The following CDKAL1 variants were observed in gnomAD, a reference collection of about 807,000 sequenced individuals.
CDKAL1 encodes the protein CDKAL1 threonylcarbamoyladenosine tRNA methylthiotransferase.
In CDKAL1, 32 loss-of-function variants were observed where a neutral mutation model predicts 68.2. The observed-to-expected ratio is 0.47, with a 90% CI of 0.35 to 0.63. The LOEUF (loss-of-function observed/expected upper bound fraction) is 0.63. Among genes scored for constraint, CDKAL1 ranks in the 30% least tolerant of loss-of-function variants. The pLI is 0.00. For synonymous variants in CDKAL1, 234 were observed against 244.3 expected (o/e 0.96, Z 0.39); for missense variants, 606 against 696.7 (o/e 0.87, Z 1.47).
chr6:20,797,531 G>A (rs1238551510), intron 8 of CDKAL1, among the ~76,000 whole-genome samples: 1 of 152,146 alleles, frequency 6.6e-6, no homozygotes, highest in African/African-American at 2.4e-5. Context: ...AAAAATCTGT[G>A]TATGAATGTT....
intron 14 of CDKAL1, among the ~76,000 whole-genome samples, chr6:21,198,775 T>G (rs1778569826): frequency 6.6e-6 from 1 of 152,180 alleles, no homozygotes; most frequent in African/African-American, 2.4e-5. Context: ...GCCATCTAAG[T>G]TGGCCTGCCT....
chr6:21,211,115 ACTT>A (rs1779132843), intron 15 of CDKAL1, among the ~76,000 whole-genome samples: 1 of 152,210 alleles, frequency 6.6e-6, no homozygotes, highest in Non-Finnish European at 1.5e-5. Flanking sequence ...TTTTCAGACA[ACTT>A]CTACTACAGA....
At chr6:20,884,979 A>G (rs902700745) in intron 9 of CDKAL1, among the ~76,000 whole-genome samples, 1 of 152,172 alleles carries the variant, frequency 6.6e-6, no homozygotes, top group African/African-American at 2.4e-5. Context: ...GAAAAAAAAA[A>G]GTGATAAATT....
At chr6:20,545,558 T>C (rs1355217803) in intron 2 of CDKAL1, among the ~76,000 whole-genome samples, 3 of 152,172 alleles carry the variant, frequency 2.0e-5, no homozygotes, top group Admixed American at 2.0e-4. Flanking sequence ...TTCCTCAGCC[T>C]CCCAAGTAGC....
intron 4 of CDKAL1, among the ~76,000 whole-genome samples, chr6:20,647,530 G>A (rs973800340): frequency 2.0e-5 from 3 of 152,112 alleles, no homozygotes; most frequent in African/African-American, 7.2e-5. Context: ...AATGTATTCA[G>A]TATCTCTTAA....
rs1438076023 is a variant in CDKAL1 at position 20,694,064 on chromosome 6, G to GTA, written c.371+44688_371+44689insAT. On this transcript the variant is annotated intron_variant, in intron 5 of 15. Coordinates refer to ENST00000274695, the MANE Select transcript of CDKAL1 (RefSeq NM_017774.3). ...ACTTTGTGTGTGTGTGTGTGTGTAT[G>GTA]TGTGTGTGTGTGTGTGTGTGTGTGT... Among the ~76,000 whole-genome samples the GTA allele has an allele frequency of 1.8e-4, 7 of 38,930 alleles. No individual in the cohort carries two copies. The South Asian group carries it at 6.2e-3, about 34-fold the overall frequency. The allele number at this position is 38,930 out of a possible 152,430, so 25.5% of individuals were successfully genotyped here.
chr6:21,228,040 A>C (rs1234221288), intron 15 of CDKAL1, among the ~76,000 whole-genome samples: 1 of 152,194 alleles, frequency 6.6e-6, no homozygotes, highest in East Asian at 1.9e-4. Context: ...TCAGCCTGAC[A>C]CCTGGCCTGG....
intron 9 of CDKAL1, among the ~76,000 whole-genome samples, chr6:20,947,654 C>T (rs1396819664): frequency 6.6e-6 from 1 of 152,074 alleles, no homozygotes; most frequent in Non-Finnish European, 1.5e-5. Flanking sequence ...TACACCCAAC[C>T]TACTGATCAT....
In CDKAL1 at chr6:21,217,655, G is replaced by A. The variant is rs181933915; in HGVS notation, c.1549-13193G>A. ...TGGGATTACAGGCGTGCACTAGCAC[G>A]CCTGGCTAATTTTTATATTTTTAGT... On this transcript the variant is annotated intron_variant, in intron 15 of 15. Coordinates refer to ENST00000274695, the MANE Select transcript of CDKAL1 (RefSeq NM_017774.3). Among the ~76,000 whole-genome samples, 74 of 152,000 alleles carry A rather than the reference G, an allele frequency of 4.9e-4. 1 individual carries two copies. In the East Asian group the frequency reaches 9.9e-3, roughly 20 times the overall value.
intron 5 of CDKAL1, among the ~76,000 whole-genome samples, chr6:20,657,893 T>C (rs1769100791): frequency 6.6e-6 from 1 of 152,204 alleles, no homozygotes; most frequent in Admixed American, 6.5e-5. Context: ...CCCCCTGTGT[T>C]ATGATGGCAG....
At chr6:20,932,663 TC>T (rs1763519944) in intron 9 of CDKAL1, among the ~76,000 whole-genome samples, 1 of 151,852 alleles carries the variant, frequency 6.6e-6, no homozygotes, top group African/African-American at 2.4e-5. Flanking sequence ...GGCGCCAGAG[TC>T]CCCTAACACC....
At chr6:21,052,011 G>C (rs919620315) in intron 11 of CDKAL1, among the ~76,000 whole-genome samples, 1 of 152,168 alleles carries the variant, frequency 6.6e-6, no homozygotes, top group African/African-American at 2.4e-5. Context: ...GGTCACACTA[G>C]ACTTTCTTTG....
chr6:20,587,385 C>G (rs1765416159), intron 4 of CDKAL1, among the ~76,000 whole-genome samples: 1 of 152,084 alleles, frequency 6.6e-6, no homozygotes, highest in Admixed American at 6.5e-5. Flanking sequence ...GAAATTTTCA[C>G]TTTACAAGAG....
intron 10 of CDKAL1, among the ~76,000 whole-genome samples, chr6:20,959,564 C>A (rs1430068244): frequency 1.4e-5 from 2 of 147,802 alleles, no homozygotes; most frequent in African/African-American, 5.0e-5. Context: ...TTTTTTTTAC[C>A]ATTTCATACT....
At chr6:20,633,034 G>A (rs990502377) in intron 4 of CDKAL1, among the ~76,000 whole-genome samples, 16 of 151,714 alleles carry the variant, frequency 1.1e-4, no homozygotes, top group South Asian at 1.0e-3. Context: ...TTACCTCTAG[G>A]TTTTTGTTTT....
At chr6:20,823,775 G>A (rs1279948972) in intron 8 of CDKAL1, among the ~76,000 whole-genome samples, 2 of 152,070 alleles carry the variant, frequency 1.3e-5, no homozygotes, top group African/African-American at 2.4e-5. Flanking sequence ...CGTTTTCTAG[G>A]ATTTGACATT....
chr6:21,187,263 G>A (rs1203324096), intron 13 of CDKAL1, among the ~76,000 whole-genome samples: 1 of 152,100 alleles, frequency 6.6e-6, no homozygotes, highest in East Asian at 1.9e-4. Flanking sequence ...TAACATTATA[G>A]ATTAAATATT....
intron 15 of CDKAL1, among the ~76,000 whole-genome samples, chr6:21,210,276 C>A (rs753393924): frequency 1.3e-5 from 2 of 152,126 alleles, no homozygotes; most frequent in Non-Finnish European, 2.9e-5. Context: ...GGTGTCTTCC[C>A]AAAGTTCAGT....
chr6:21,082,038 G>A (rs1271235415), intron 12 of CDKAL1, among the ~76,000 whole-genome samples: 1 of 144,294 alleles, frequency 6.9e-6, no homozygotes, highest in Non-Finnish European at 1.5e-5. Flanking sequence ...AATAGATTTG[G>A]TAATCTAACA....
Sources: gnomAD v4.1 joint callset for allele counts (sites outside exome capture counted in the v4.1 genomes callset) on GRCh38, gnomAD v4.1.1 for gene constraint, MANE v1.5 for transcripts, NCBI Gene and HGNC (gene_info 2026-07-23, HGNC 2026-07-21) for gene names.